SMARCD1: variants seen among roughly 807,000 people sequenced by gnomAD.
SMARCD1 encodes SWI/SNF-related matrix-associated actin-dependent regulator of chromatin subfamily D member 1.
A neutral mutation model predicts 70.8 loss-of-function variants in SMARCD1; 16 were observed. The observed-to-expected ratio is 0.23, with a 90% CI of 0.15 to 0.34. The LOEUF is 0.34. SMARCD1 is among the 10% of genes least tolerant of loss of function. The probability of loss-of-function intolerance (pLI) is 1.00; values close to 1 mark genes in which losing one functional copy is unlikely to be tolerated. For synonymous variants in SMARCD1, 249 were observed against 246.0 expected (o/e 1.01, Z -0.11); for missense variants, 409 against 655.5 (o/e 0.62, Z 4.11).
At chr12:50,096,546 C>T (rs1264775164) in intron 10 of SMARCD1, 2 of 237,818 alleles carry the variant, frequency 8.4e-6, no homozygotes, top group Non-Finnish European at 8.3e-6. Flanking sequence ...CCTGAGAACA[C>T]TTTTGGACCC....
Position 50,096,991 on chromosome 12 carries a change from G to T in SMARCD1, c.1392+19G>T, listed in dbSNP as rs1213227434. Reference sequence around the variant, plus strand: ...CCTCAAGGTAAAGAACCTAGGAGAGGTCTGAAGGGACTTAGGTCAGTGAGG... The same window carrying T: ...CCTCAAGGTAAAGAACCTAGGAGAGTTCTGAAGGGACTTAGGTCAGTGAGG... On this transcript the variant is annotated intron_variant, in intron 11 of 12. Transcript: ENST00000394963. 1.2e-6 allele frequency: 2 copies of T among 1,601,982 alleles called. No individual in the cohort carries two copies. Among genetic ancestry groups the T allele is most frequent in the Admixed American group, 3.4e-5 (2 of 58,926 alleles).
At chr12:50,089,808 G>C (rs950574718) in intron 6 of SMARCD1, 76 bp from the exon 7 acceptor site, 2 of 1,025,348 alleles carry the variant, frequency 2.0e-6, no homozygotes, top group African/African-American at 3.2e-5. Context: ...TGAATATTCA[G>C]TCATTACAGA....
intron 9 of SMARCD1, among the ~76,000 whole-genome samples, chr12:50,091,999 A>G (rs554675680): frequency 2.0e-5 from 3 of 152,214 alleles, no homozygotes; most frequent in African/African-American, 7.2e-5. Context: ...GGAAGGGCTC[A>G]GCAGCCATCT....
At chr12:50,089,527 G>A in intron 6 of SMARCD1, 1 of 192,150 alleles carries the variant, frequency 5.2e-6, no homozygotes, top group Non-Finnish European at 1.1e-5. Flanking sequence ...ATCTTGTATA[G>A]ATGTTCGGGA....
At chr12:50,088,773 G>A in intron 6 of SMARCD1, 136 bp downstream of exon 6, 1 of 459,608 alleles carries the variant, frequency 2.2e-6, no homozygotes, top group African/African-American at 2.0e-5. Flanking sequence ...CAGGTGTACA[G>A]TTTGCACATT....
intron 2 of SMARCD1, 116 bp from the exon 3 acceptor site, chr12:50,086,505 T>TG: frequency 2.2e-6 from 1 of 444,508 alleles, no homozygotes; most frequent in Non-Finnish European, 3.2e-6. Context: ...TGGTGGTAGT[T>TG]CTTTGAGAGA....
Position 50,099,403 on chromosome 12 carries a change from G to A in SMARCD1, c.*403G>A. On this transcript the variant is annotated 3_prime_UTR_variant, in exon 13 of 13. Transcript: ENST00000394963. ...TTGGGAGCTTTCGCTCCTTCTCCAA[G>A]ACTCAGGCCTGTGGGCACTCTATAA... 2.2e-6 allele frequency: 1 copy of A among 452,690 alleles called. No homozygotes were observed. The highest frequency in any genetic ancestry group is 3.2e-5 in the East Asian group (1 of 31,292). 28.0% of individuals were successfully genotyped at this position (452,690 alleles called of 1,614,324 possible).
intron 9 of SMARCD1, among the ~76,000 whole-genome samples, chr12:50,091,926 G>A (rs117920983): frequency 6.6e-6 from 1 of 152,192 alleles, no homozygotes; most frequent in Non-Finnish European, 1.5e-5. Context: ...CACACATCTG[G>A]GCACTTCCTC....
chr12:50,088,366 G>T, intron 5 of SMARCD1, 155 bp from the exon 6 acceptor site: 1 of 692,692 alleles, frequency 1.4e-6, no homozygotes, highest in South Asian at 1.5e-5. Context: ...TTTAATACCT[G>T]CAGATGCCTA....
At chr12:50,090,092 C>A in intron 7 of SMARCD1, 107 bp downstream of exon 7, 2 of 1,303,634 alleles carry the variant, frequency 1.5e-6, no homozygotes, top group Non-Finnish European at 2.2e-6. Context: ...CACTTTGGCA[C>A]AGAGATAGAG....
chr12:50,088,608 C>A lies in SMARCD1; in HGVS notation c.742C>A (p.Leu248Met), dbSNP rs755841124. The change falls in exon 6 of 13, where the codon CTG (leucine) becomes ATG (methionine). Residue 248 changes from leucine to methionine, a missense_variant. Leu to Met is a conservative substitution (Grantham distance 15). Transcript: ENST00000394963. Reference protein sequence around the residue: ...KSLVIELDKDLYGPDNHLVEW... With the variant: ...KSLVIELDKDMYGPDNHLVEW... The stretch of plus-strand genomic sequence containing the variant: ...CTTGGTGATTGAACTGGACAAAGAC[C>A]TGTATGGGCCAGACAACCATCTGGT... 4 of 1,604,968 alleles carry A rather than the reference C, an allele frequency of 2.5e-6. No individual in the cohort carries two copies. The African/African-American group carries it at 4.0e-5, about 16-fold the overall frequency.
Position 50,096,682 on chromosome 12 carries a change from G to A in SMARCD1, c.1270-168G>A, listed in dbSNP as rs149640830. 546 of 585,622 alleles carry A rather than the reference G, an allele frequency of 9.3e-4. 5 individuals are homozygous for A. In the East Asian group the frequency reaches 0.015, roughly 16 times the overall value. The allele number at this position is 585,622 out of a possible 1,614,324, so 36.3% of individuals were successfully genotyped here. ...CAGAAACAAGGGCAAATTACTTGCT[G>A]AAAGAATGCCAAGGGTCGGAGCAGT... On this transcript the variant is annotated intron_variant, in intron 10 of 12. Transcript: ENST00000394963.
Position 50,099,229 on chromosome 12 carries a change from T to C in SMARCD1, c.*229T>C, listed in dbSNP as rs565707948. On this transcript the variant is annotated 3_prime_UTR_variant, in exon 13 of 13. Coordinates refer to ENST00000394963, the MANE Select transcript of SMARCD1 (RefSeq NM_003076.5). ...TTGCCCCACAAAGTTCCCATGTGCCTGTACCCTCCCCTGGTCTACATAGGA... is the reference window on the plus strand; with the variant it reads ...TTGCCCCACAAAGTTCCCATGTGCCCGTACCCTCCCCTGGTCTACATAGGA... 158 of 613,292 alleles carry C rather than the reference T, an allele frequency of 2.6e-4. No homozygotes were observed. In the African/African-American group the frequency reaches 2.7e-3, roughly 10 times the overall value. 38.0% of individuals were successfully genotyped at this position (613,292 alleles called of 1,614,324 possible).
At chr12:50,089,831 C>A in intron 6 of SMARCD1, 53 bp from the exon 7 acceptor site, 1 of 1,287,578 alleles carries the variant, frequency 7.8e-7, no homozygotes, top group Non-Finnish European at 1.1e-6. Context: ...CTCTTCCCTC[C>A]CACCCCAGCT....
In SMARCD1 at chr12:50,098,982, G is replaced by A; in HGVS notation, c.1530G>A (p.Leu510=). 1 of 1,614,074 alleles carries A rather than the reference G, an allele frequency of 6.2e-7. No individual in the cohort carries two copies. Among genetic ancestry groups the A allele is most frequent in the Non-Finnish European group, 8.5e-7 (1 of 1,179,972 alleles). Residue 510 remains leucine (L), a synonymous_variant, in exon 13 of 13, where the codon CTG becomes CTA. Transcript: ENST00000394963. The part of the protein sequence containing the change: ...QQRRQELEQA[L]GIRNT ...GACGACAAGAATTAGAGCAAGCCCT[G>A]GGAATCCGGAATACATAGGGCCTCT...
In SMARCD1 at chr12:50,089,932, C is replaced by T; in HGVS notation, c.820C>T (p.Arg274Trp). Residue 274 changes from arginine (R) to tryptophan (W), a missense_variant, in exon 7 of 13, where the codon CGG (arginine) becomes TGG (tryptophan). Physicochemically the swap from Arg to Trp is moderately radical, Grantham distance 101. Coordinates refer to ENST00000394963, the MANE Select transcript of SMARCD1 (RefSeq NM_003076.5). ...GGAGACCGATGGCTTTCAGGTGAAGCGGCCGGGAGACGTGAATGTACGGTG... is the reference window on the plus strand; with the variant it reads ...GGAGACCGATGGCTTTCAGGTGAAGTGGCCGGGAGACGTGAATGTACGGTG... ...TQETDGFQVK[R>W]PGDVNVRCTV... is the part of the protein sequence containing the mutation. 1 of 1,614,128 alleles carries T rather than the reference C, an allele frequency of 6.2e-7. No homozygotes were observed. Among genetic ancestry groups the T allele is most frequent in the Non-Finnish European group, 8.5e-7 (1 of 1,180,012 alleles).
chr12:50,093,250 A>G (rs572688452), intron 9 of SMARCD1, among the ~76,000 whole-genome samples: 1 of 146,856 alleles, frequency 6.8e-6, no homozygotes, highest in Non-Finnish European at 1.5e-5. Context: ...GTGCAGTGGC[A>G]TGATCTTCGC....
chr12:50,096,690 G>A, intron 10 of SMARCD1, 160 bp from the exon 11 acceptor site: 1 of 594,268 alleles, frequency 1.7e-6, no homozygotes, highest in Admixed American at 3.0e-5. Context: ...CTGAAAGAAT[G>A]CCAAGGGTCG....
rs757979933 is a variant in SMARCD1 at position 50,096,854 on chromosome 12, A to G, written c.1274A>G (p.His425Arg). The change falls in exon 11 of 13, where the codon CAT becomes CGT. Residue 425 changes from histidine to arginine, a missense_variant. Physicochemically the swap from His to Arg is conservative, Grantham distance 29. Transcript: ENST00000394963. Reference sequence around the variant, plus strand: ...GAGCTTCGTTCTTCCTTTCAGATCCATGAGACAATAGAAACCATCAACCAG... The same window carrying G: ...GAGCTTCGTTCTTCCTTTCAGATCCGTGAGACAATAGAAACCATCAACCAG... ...QEIATLDNKI[H>R]ETIETINQLK... 2 of 1,608,092 alleles carry G rather than the reference A, an allele frequency of 1.2e-6. No individual in the cohort carries two copies. Among genetic ancestry groups the G allele is most frequent in the Non-Finnish European group, 1.7e-6 (2 of 1,175,378 alleles).
Sources: allele counts gnomAD v4.1 joint callset (sites outside exome capture counted in the v4.1 genomes callset), GRCh38; gene constraint gnomAD v4.1.1; transcripts MANE v1.5; gene names NCBI Gene and HGNC (gene_info 2026-07-23, HGNC 2026-07-21).